Variants in FARS2 observed in about 807,000 individuals in gnomAD.
FARS2 encodes the protein phenylalanyl-tRNA synthetase 2, mitochondrial, also known as phenylalanine--tRNA ligase, mitochondrial.
FARS2 carries 40 observed loss-of-function variants against 46.4 expected under a neutral mutation model. The observed-to-expected ratio is 0.86, with a 90% CI of 0.67 to 1.12. The LOEUF (loss-of-function observed/expected upper bound fraction) is 1.12. Ranked by LOEUF, FARS2 falls within the 50% of genes most tolerant of loss-of-function variation. FARS2 has a pLI of 0.00. For missense variants in FARS2, 513 were observed against 567.9 expected (o/e 0.90, Z 0.98); for synonymous variants, 234 against 214.9 (o/e 1.09, Z -0.78).
intron 6 of FARS2, among the ~76,000 whole-genome samples, chr6:5,703,587 A>G (rs867945476): frequency 5.8e-4 from 89 of 152,286 alleles, no homozygotes; most frequent in African/African-American, 1.8e-3. Context: ...GATTTCATCT[A>G]CTTCACACTA....
rs146510630 is a variant in FARS2 at position 5,569,939 on chromosome 6, C to T, written c.1065+24599C>T. Among the ~76,000 whole-genome samples, 9 of 150,330 alleles carry T rather than the reference C, an allele frequency of 6.0e-5. No homozygotes were observed. In the East Asian group the frequency reaches 1.2e-3, roughly 20 times the overall value. On this transcript the variant is annotated intron_variant, in intron 5 of 6. Transcript: ENST00000274680. ...AGGGGTTGGGGAGAGAGGTAGAAGA[C>T]GGATGTCAGGGTCAGGCATACAGTG...
Position 5,369,032 on chromosome 6 carries a change from G to T in FARS2, c.462G>T (p.Ala154=), listed in dbSNP as rs150477330. The part of the protein sequence containing the change: ...YYLNRTHMLR[A]HTSAHQWDLL... The stretch of plus-strand genomic sequence containing the variant: ...TGAATCGGACTCACATGCTGAGAGC[G>T]CACACGTCTGCACACCAGTGGGACT... Residue 154 remains alanine (A), a synonymous_variant, in exon 2 of 7, where the codon GCG becomes GCT. Coordinates refer to ENST00000274680, the MANE Select transcript of FARS2 (RefSeq NM_006567.5). The T allele has an allele frequency of 4.7e-4, 758 of 1,613,988 alleles. No individual in the cohort carries two copies. Among genetic ancestry groups the T allele is most frequent in the Admixed American group, 1.0e-3 (63 of 60,010 alleles).
At chr6:5,358,414 TAA>T (rs958260345) in intron 1 of FARS2, among the ~76,000 whole-genome samples, 6 of 152,154 alleles carry the variant, frequency 3.9e-5, no homozygotes, top group Non-Finnish European at 5.9e-5. Context: ...ATAGTTTAGT[TAA>T]TACCATTTGT....
chr6:5,383,105 C>T (rs1245669801), intron 2 of FARS2, among the ~76,000 whole-genome samples: 3 of 152,150 alleles, frequency 2.0e-5, no homozygotes, highest in Admixed American at 6.5e-5. Context: ...CCTGTGACCC[C>T]GTCAAGTTGG....
upstream of FARS2, among the ~76,000 whole-genome samples, chr6:5,258,422 A>T (rs889926968): frequency 3.9e-5 from 6 of 152,226 alleles, no homozygotes; most frequent in African/African-American, 1.2e-4. Flanking sequence ...TACCTACCTC[A>T]CAAGATTATT....
chr6:5,303,842 C>A lies in FARS2; in HGVS notation c.-22+42182C>A, dbSNP rs1768499902. Among the ~76,000 whole-genome samples, 3 of 152,084 alleles carry A rather than the reference C, an allele frequency of 2.0e-5. No individual in the cohort carries two copies. The South Asian group carries it at 6.2e-4, about 32-fold the overall frequency. On this transcript the variant is annotated intron_variant, in intron 1 of 6. Transcript: ENST00000274680. ...CCGGGGAATTCTCTGCCTCGGGATG[C>A]TCGTAATGAGGGGAATTGACTGGGG... is the stretch of plus-strand genomic sequence containing the variant.
At chr6:5,349,892 T>C (rs1757464184) in intron 1 of FARS2, among the ~76,000 whole-genome samples, 1 of 151,998 alleles carries the variant, frequency 6.6e-6, no homozygotes, top group East Asian at 1.9e-4. Flanking sequence ...TTTTTTTTTT[T>C]TTTGGAAGGA....
At chr6:5,663,640 G>A (rs1480611035) in intron 6 of FARS2, among the ~76,000 whole-genome samples, 1 of 152,182 alleles carries the variant, frequency 6.6e-6, no homozygotes, top group Non-Finnish European at 1.5e-5. Context: ...CCTAAAAAAA[G>A]ACAAAAGTTG....
At position 5,557,133 on chromosome 6, in the gene FARS2, T is replaced by C. The variant is rs555820948; in HGVS notation, c.1065+11793T>C. Among the ~76,000 whole-genome samples the C allele has an allele frequency of 1.8e-3, 269 of 152,262 alleles. 3 individuals are homozygous for C. Among genetic ancestry groups the C allele is most frequent in the Admixed American group, 5.4e-3 (83 of 15,300 alleles). On this transcript the variant is annotated intron_variant, in intron 5 of 6. Transcript: ENST00000274680. ...AAGAAAGGTCGTATCAATTAAGTGT[T>C]GATGGACAAGTTAATGTCTTTTTTT...
At chr6:5,629,307 A>G (rs1293782347) in intron 6 of FARS2, among the ~76,000 whole-genome samples, 1 of 152,240 alleles carries the variant, frequency 6.6e-6, no homozygotes, top group Non-Finnish European at 1.5e-5. Context: ...ACGTGTCACC[A>G]TGATTTCAAA....
At chr6:5,313,093 A>G (rs889386466) in intron 1 of FARS2, among the ~76,000 whole-genome samples, 1 of 152,188 alleles carries the variant, frequency 6.6e-6, no homozygotes, top group Non-Finnish European at 1.5e-5. Context: ...GCAAAGTACA[A>G]CCAACCAACA....
At chr6:5,451,141 G>A (rs2150265665) in intron 4 of FARS2, among the ~76,000 whole-genome samples, 1 of 151,980 alleles carries the variant, frequency 6.6e-6, no homozygotes, top group East Asian at 1.9e-4. Context: ...AGTTACTTTG[G>A]GATTAATTTA....
Position 5,707,426 on chromosome 6 carries a change from G to A in FARS2, c.1218-63865G>A, listed in dbSNP as rs369849373. On this transcript the variant is annotated intron_variant, in intron 6 of 6. Coordinates refer to ENST00000274680, the MANE Select transcript of FARS2 (RefSeq NM_006567.5). ...CTTAGGAACACGTGGCCTAAGGGGAGGCGTAGACGGTTGCAACTGGATCAG... is the reference window on the plus strand; with the variant it reads ...CTTAGGAACACGTGGCCTAAGGGGAAGCGTAGACGGTTGCAACTGGATCAG... Among the ~76,000 whole-genome samples, 46 of 152,318 alleles carry A rather than the reference G, an allele frequency of 3.0e-4. 1 individual carries two copies. The highest frequency in any genetic ancestry group is 1.0e-3 in the African/African-American group (43 of 41,560).
intron 6 of FARS2, chr6:5,664,964 A>G (rs186598097): frequency 2.4e-4 from 37 of 151,904 alleles, no homozygotes; most frequent in African/African-American, 8.9e-4. Flanking sequence ...GCATTTTTTC[A>G]TTTGTTTGTT....
At chr6:5,364,250 A>G (rs1758504776) in intron 1 of FARS2, among the ~76,000 whole-genome samples, 1 of 152,174 alleles carries the variant, frequency 6.6e-6, no homozygotes, top group South Asian at 2.1e-4. Context: ...TGAGATAAGT[A>G]TTATATTTCT....
At chr6:5,353,731 T>G (rs112817330) in intron 1 of FARS2, among the ~76,000 whole-genome samples, 27 of 127,678 alleles carry the variant, frequency 2.1e-4, no homozygotes, top group African/African-American at 4.3e-4. Flanking sequence ...TTGGTGTTTT[T>G]TTTTTTTTTT....
chr6:5,509,012 C>T (rs949618129), intron 4 of FARS2, among the ~76,000 whole-genome samples: 1 of 152,168 alleles, frequency 6.6e-6, no homozygotes, highest in African/African-American at 2.4e-5. Context: ...TGTCACTATT[C>T]GGCTCTGCCA....
intron 5 of FARS2, among the ~76,000 whole-genome samples, chr6:5,595,732 ATAGTAAACAT>A (rs1423222391): frequency 6.6e-6 from 1 of 152,190 alleles, no homozygotes. Flanking sequence ...GAGCAGTAAA[ATAGTAAACAT>A]GTATATGTTT....
chr6:5,323,827 G>A (rs1422787057), intron 1 of FARS2, among the ~76,000 whole-genome samples: 1 of 152,148 alleles, frequency 6.6e-6, no homozygotes, highest in East Asian at 1.9e-4. Flanking sequence ...TAAATCCAAA[G>A]GGTATCACCC....
Sources: gnomAD v4.1 joint callset for allele counts (sites outside exome capture counted in the v4.1 genomes callset) on GRCh38, gnomAD v4.1.1 for gene constraint, MANE v1.5 for transcripts, NCBI Gene and HGNC (gene_info 2026-07-23, HGNC 2026-07-21) for gene names.